Variants in ATP2C1 observed in about 807,000 individuals in gnomAD.
The protein encoded by ATP2C1 is ATPase secretory pathway Ca2+ transporting 1, also known as calcium-transporting ATPase type 2C member 1.
Under a neutral mutation model 120.5 loss-of-function variants are expected in ATP2C1, and 31 were observed. The ratio of observed to expected loss-of-function variants is 0.26; its 90% CI spans 0.19 to 0.35. ATP2C1 has a LOEUF of 0.35. Among genes scored for constraint, ATP2C1 ranks in the 10% least tolerant of loss-of-function variants. The pLI is 1.00. For missense variants in ATP2C1, 731 were observed against 1,107.5 expected (o/e 0.66, Z 4.83); for synonymous variants, 351 against 358.7 (o/e 0.98, Z 0.24).
intron 1 of ATP2C1, among the ~76,000 whole-genome samples, chr3:130,853,875 C>T (rs2067756038): frequency 6.6e-6 from 1 of 152,236 alleles, no homozygotes; most frequent in African/African-American, 2.4e-5. Flanking sequence ...AGGGTACACA[C>T]TGGATTGACT....
intron 7 of ATP2C1, among the ~76,000 whole-genome samples, chr3:130,940,933 T>TTTTTTG (rs1384737363): frequency 6.9e-6 from 1 of 144,176 alleles, no homozygotes; most frequent in African/African-American, 2.6e-5. Flanking sequence ...TTTTTTTTTT[T>TTTTTTG]AGATGGAGTC....
intron 2 of ATP2C1, among the ~76,000 whole-genome samples, chr3:130,917,540 G>A (rs1177173273): frequency 6.6e-6 from 1 of 152,164 alleles, no homozygotes; most frequent in African/African-American, 2.4e-5. Flanking sequence ...GGTAGTGTGT[G>A]CTAAAAATTA....
At chr3:130,935,158 C>T (rs1230871988) in intron 5 of ATP2C1, among the ~76,000 whole-genome samples, 1 of 152,098 alleles carries the variant, frequency 6.6e-6, no homozygotes, top group Non-Finnish European at 1.5e-5. Context: ...ATTATAGTTA[C>T]AGTAATTTTG....
intron 2 of ATP2C1, chr3:130,918,216 A>G (rs1215761495): frequency 1.4e-6 from 2 of 1,407,354 alleles, no homozygotes; most frequent in East Asian, 2.3e-5. Flanking sequence ...CTGGGTTTAC[A>G]CCTTACTGGG....
chr3:130,881,518 C>T (rs1442594775), intron 1 of ATP2C1, among the ~76,000 whole-genome samples: 1 of 152,022 alleles, frequency 6.6e-6, no homozygotes, highest in Admixed American at 6.6e-5. Context: ...ACCACCATGC[C>T]CAGCTAGTTT....
At chr3:130,904,133 T>A (rs1047915888) in intron 2 of ATP2C1, among the ~76,000 whole-genome samples, 1 of 152,026 alleles carries the variant, frequency 6.6e-6, no homozygotes, top group African/African-American at 2.4e-5. Flanking sequence ...TAGACTTACA[T>A]AAAAGGTATA....
Position 130,894,399 on chromosome 3 carries a change from G to A in ATP2C1, c.-181+62G>A. Reference sequence around the variant, plus strand: ...AAACTTCCAGGTTCTGAAGGAAGGGGAGGTTCGGGTATCCCCTGGATGGGG... The same window carrying A: ...AAACTTCCAGGTTCTGAAGGAAGGGAAGGTTCGGGTATCCCCTGGATGGGG... On this transcript the variant is annotated intron_variant, in intron 1 of 27. Coordinates refer to ENST00000510168, the MANE Select transcript of ATP2C1 (RefSeq NM_001378687.1). The surrounding 1 kb of genome is among the most constrained non-coding windows in gnomAD (Gnocchi z 4.5). The A allele has an allele frequency of 2.6e-6, 3 of 1,174,398 alleles. No individual in the cohort carries two copies. The highest frequency in any genetic ancestry group is 3.2e-6 in the Non-Finnish European group (3 of 941,960). The allele number at this position is 1,174,398 out of a possible 1,614,324, so 72.7% of individuals were successfully genotyped here. A position where few individuals can be genotyped will look rare whatever the true frequency, so the allele number is the denominator to read the frequency against.
chr3:130,981,036 A>G (rs1048579601), intron 20 of ATP2C1, among the ~76,000 whole-genome samples: 11 of 152,160 alleles, frequency 7.2e-5, no homozygotes, highest in African/African-American at 2.7e-4. Context: ...TAGCATGAGT[A>G]TGTGATTTTT....
intron 2 of ATP2C1, chr3:130,918,523 T>C: frequency 4.0e-6 from 3 of 756,446 alleles, no homozygotes; most frequent in East Asian, 2.5e-5. Context: ...CTGAACACTC[T>C]GGCTTGATGC....
At chr3:130,965,373 C>T (rs2061006817) in intron 14 of ATP2C1, among the ~76,000 whole-genome samples, 2 of 152,072 alleles carry the variant, frequency 1.3e-5, no homozygotes, top group Admixed American at 1.3e-4. Context: ...CCATTTCTCA[C>T]CTGCCATTCT....
chr3:130,987,505 A>AT (rs1385593314), intron 20 of ATP2C1, among the ~76,000 whole-genome samples: 1 of 150,448 alleles, frequency 6.6e-6, no homozygotes, highest in Non-Finnish European at 1.5e-5. Flanking sequence ...TAATTTTGTT[A>AT]TTTTTTATAG....
At chr3:130,942,577 A>G (rs1419550592) in intron 8 of ATP2C1, among the ~76,000 whole-genome samples, 1 of 152,078 alleles carries the variant, frequency 6.6e-6, no homozygotes, top group Middle Eastern at 3.2e-3. Flanking sequence ...GGCCTGAAAA[A>G]CCTTTCAGAC....
intron 18 of ATP2C1, among the ~76,000 whole-genome samples, chr3:130,976,549 A>G (rs2061535552): frequency 6.6e-6 from 1 of 152,278 alleles, no homozygotes; most frequent in Non-Finnish European, 1.5e-5. Context: ...TATTTTGCAA[A>G]TGGATATTTT....
intron 2 of ATP2C1, among the ~76,000 whole-genome samples, chr3:130,910,570 T>C (rs1397630831): frequency 7.3e-6 from 1 of 137,552 alleles, no homozygotes; most frequent in East Asian, 2.0e-4. Context: ...TTCAGTATGA[T>C]ATTGGCTGTG....
chr3:130,859,926 A>G (rs2067962419), intron 1 of ATP2C1, among the ~76,000 whole-genome samples: 1 of 152,268 alleles, frequency 6.6e-6, no homozygotes, highest in Non-Finnish European at 1.5e-5. Context: ...CATCAAAAAA[A>G]TCTAGAAAAT....
In ATP2C1 at chr3:130,934,466, CT is replaced by C. The variant is rs534628809; in HGVS notation, c.235-149del. On this transcript the variant is annotated intron_variant, in intron 4 of 27. Coordinates refer to ENST00000510168, the MANE Select transcript of ATP2C1 (RefSeq NM_001378687.1). Reference sequence around the variant, plus strand: ...TTTTAAATGTAGTTAAGTATAAACGCTTTTTTTGTTAATTGAAGAGATACAT... The same window carrying C: ...TTTTAAATGTAGTTAAGTATAAACGCTTTTTTGTTAATTGAAGAGATACAT... Among the ~76,000 whole-genome samples the C allele has an allele frequency of 9.8e-4, 147 of 150,002 alleles. 1 individual carries two copies. Among genetic ancestry groups the C allele is most frequent in the Non-Finnish European group, 1.7e-3 (117 of 67,680 alleles).
chr3:130,893,060 G>A (rs1193626234), upstream of ATP2C1, among the ~76,000 whole-genome samples: 1 of 152,188 alleles, frequency 6.6e-6, no homozygotes, highest in Non-Finnish European at 1.5e-5. Flanking sequence ...CAACTCAGTA[G>A]GTGAAGCCCT....
intron 7 of ATP2C1, among the ~76,000 whole-genome samples, chr3:130,941,285 C>T (rs981814156): frequency 2.1e-4 from 31 of 146,706 alleles, no homozygotes; most frequent in Admixed American, 9.3e-4. Context: ...TGCGCGCACG[C>T]GCGCATGCAT....
chr3:130,962,715 TAAA>T (rs71133621), intron 12 of ATP2C1, among the ~76,000 whole-genome samples: 18 of 114,206 alleles, frequency 1.6e-4, no homozygotes, highest in South Asian at 6.0e-4. Flanking sequence ...ATGGAAGCAT[TAAA>T]AAAAAAAAAA....
Sources: allele counts gnomAD v4.1 joint callset (sites outside exome capture counted in the v4.1 genomes callset), GRCh38; gene constraint gnomAD v4.1.1; non-coding constraint Gnocchi (gnomAD v3.1); transcripts MANE v1.5; gene names NCBI Gene and HGNC (gene_info 2026-07-23, HGNC 2026-07-21).